CASK: variants seen among roughly 807,000 people sequenced by gnomAD.
CASK encodes the protein peripheral plasma membrane protein CASK.
Under a neutral mutation model 82.9 loss-of-function variants are expected in CASK, and 4 were observed. The ratio of observed to expected loss-of-function variants is 0.05; its 90% CI spans 0.02 to 0.11. CASK has a LOEUF of 0.11. Among genes scored for constraint, CASK ranks in the 10% least tolerant of loss-of-function variants. The pLI is 1.00. For synonymous variants in CASK, 259 were observed against 253.5 expected (o/e 1.02, Z -0.20); for missense variants, 358 against 720.9 (o/e 0.50, Z 5.76).
At chrX:41,806,519 A>G (rs975125335) in intron 2 of CASK, among the ~76,000 whole-genome samples, 2 of 112,261 alleles carry the variant, frequency 1.8e-5, no homozygotes, top group African/African-American at 3.2e-5. Flanking sequence ...GGTGAAGACT[A>G]TATGTTGTTC....
At chrX:41,761,715 T>C (rs1373398654) in intron 3 of CASK, among the ~76,000 whole-genome samples, 1 of 112,071 alleles carries the variant, frequency 8.9e-6, no homozygotes, top group Non-Finnish European at 1.9e-5. Context: ...CCATGAATTA[T>C]TTCCAAGTTT....
At chrX:41,623,974 T>C (rs1368497297) in intron 10 of CASK, among the ~76,000 whole-genome samples, 1 of 112,390 alleles carries the variant, frequency 8.9e-6, no homozygotes, top group Non-Finnish European at 1.9e-5. Context: ...CTTCTGAAAC[T>C]GTTGGGATTA....
At chrX:41,567,076 C>T (rs1166651745) in intron 16 of CASK, among the ~76,000 whole-genome samples, 2 of 111,930 alleles carry the variant, frequency 1.8e-5, no homozygotes, top group African/African-American at 6.5e-5. Context: ...ACACCTTATA[C>T]AAAAACTAAT....
chrX:41,894,657 G>A (rs1455574111), intron 1 of CASK, among the ~76,000 whole-genome samples: 1 of 106,018 alleles, frequency 9.4e-6, no homozygotes, highest in Non-Finnish European at 1.9e-5. Context: ...GTAGAGAAAG[G>A]AGGTGAAAAG....
chrX:41,822,510 A>G (rs948845839), intron 2 of CASK, among the ~76,000 whole-genome samples: 29 of 90,684 alleles, frequency 3.2e-4, no homozygotes, highest in African/African-American at 1.3e-3. Context: ...GTGAGTGGAG[A>G]TGGCGCCACT....
chrX:41,645,497 A>G (rs1316867890), intron 8 of CASK, among the ~76,000 whole-genome samples: 1 of 111,086 alleles, frequency 9.0e-6, no homozygotes, highest in African/African-American at 3.3e-5. Context: ...GCTTCAGGTG[A>G]ATACTGACAA....
At position 41,531,259 on chromosome X, in the gene CASK, T is replaced by C. The variant is rs1248617774; in HGVS notation, c.2318-50A>G. 4 of 952,066 alleles carry C rather than the reference T, an allele frequency of 4.2e-6. No individual in the cohort carries two copies. In the Admixed American group the frequency reaches 8.8e-5, roughly 21 times the overall value. 78.5% of individuals were successfully genotyped at this position (952,066 alleles called of 1,213,427 possible). A position where few individuals can be genotyped will look rare whatever the true frequency, so the allele number is the denominator to read the frequency against. ...GTTTAAAAGGCTGAGCTGATGAGCT[T>C]ACTACACTCCCAACAGATTTACTCA... is the stretch of plus-strand genomic sequence containing the variant. On this transcript the variant is annotated intron_variant, in intron 24 of 26. Transcript: ENST00000378163.
At chrX:41,761,492 C>A (rs1267563137) in intron 3 of CASK, among the ~76,000 whole-genome samples, 1 of 111,909 alleles carries the variant, frequency 8.9e-6, no homozygotes, top group Non-Finnish European at 1.9e-5. Context: ...GCCATTTGCA[C>A]TCTGAAATCA....
intron 14 of CASK, among the ~76,000 whole-genome samples, chrX:41,581,796 A>T (rs748379805): frequency 6.4e-5 from 7 of 110,146 alleles, no homozygotes. Context: ...TATTATCTAC[A>T]CAAAAGCTTA....
At chrX:41,636,999 C>T (rs1449663183) in intron 8 of CASK, among the ~76,000 whole-genome samples, 2 of 110,859 alleles carry the variant, frequency 1.8e-5, no homozygotes, top group African/African-American at 3.3e-5. Flanking sequence ...CACTCTGTCG[C>T]CCAGGTTGGC....
At chrX:41,783,103 C>T (rs767284681) in intron 3 of CASK, among the ~76,000 whole-genome samples, 1 of 111,761 alleles carries the variant, frequency 8.9e-6, no homozygotes, top group South Asian at 3.8e-4. Flanking sequence ...AAGATGGCGC[C>T]ACTGCACTCC....
At chrX:41,612,997 G>A (rs1427473836) in intron 11 of CASK, among the ~76,000 whole-genome samples, 24 of 104,774 alleles carry the variant, frequency 2.3e-4, no homozygotes, top group African/African-American at 6.6e-4. Context: ...CGCCCCGTCC[G>A]GGAGGGAGGT....
chrX:41,559,968 A>C (rs1462861870), intron 17 of CASK, 121 bp from the exon 18 acceptor site: 4 of 564,655 alleles, frequency 7.1e-6, no homozygotes, highest in Non-Finnish European at 1.2e-5. Flanking sequence ...GAGAGCACAT[A>C]GCCGGAAAAT....
At chrX:41,727,688 A>C (rs1444804577) in intron 5 of CASK, 1 of 1,201,109 alleles carries the variant, frequency 8.3e-7, no homozygotes, top group South Asian at 1.8e-5. Flanking sequence ...CTAACATCAT[A>C]CTACTCTTTT....
intron 21 of CASK, among the ~76,000 whole-genome samples, chrX:41,549,215 C>A (rs2065062846): frequency 8.9e-6 from 1 of 111,859 alleles, no homozygotes; most frequent in Non-Finnish European, 1.9e-5. Context: ...GGGGGTCTGG[C>A]TGATACAATT....
chrX:41,902,340 G>A (rs1008107503), intron 1 of CASK, among the ~76,000 whole-genome samples: 4 of 111,303 alleles, frequency 3.6e-5, no homozygotes, highest in Non-Finnish European at 7.5e-5. Context: ...CAGGGGAGAA[G>A]CTTTTCCATG....
At chrX:41,583,844 T>G (rs747055925) in intron 14 of CASK, 1 of 111,582 alleles carries the variant, frequency 9.0e-6, no homozygotes, top group Admixed American at 9.5e-5. Flanking sequence ...CAGGCTCATG[T>G]GATCCTCCCA....
chrX:41,721,268 TC>T (rs1399539396), intron 5 of CASK, among the ~76,000 whole-genome samples: 1 of 111,430 alleles, frequency 9.0e-6, no homozygotes, highest in Non-Finnish European at 1.9e-5. Flanking sequence ...AATCTAGTAT[TC>T]CCTGACATTT....
intron 9 of CASK, among the ~76,000 whole-genome samples, chrX:41,636,139 C>T (rs1441633433): frequency 9.1e-6 from 1 of 109,717 alleles, no homozygotes; most frequent in South Asian, 3.9e-4. Context: ...TCAGGCAATC[C>T]GCCCGCCTCG....
Sources: gnomAD v4.1 joint callset for allele counts (sites outside exome capture counted in the v4.1 genomes callset) on GRCh38, gnomAD v4.1.1 for gene constraint, MANE v1.5 for transcripts, NCBI Gene and HGNC (gene_info 2026-07-23, HGNC 2026-07-21) for gene names.